Variants in ZMIZ2 observed in about 807,000 individuals in gnomAD.
ZMIZ2 encodes the protein zinc finger MIZ domain-containing protein 2.
ZMIZ2 carries 26 observed loss-of-function variants against 93.9 expected under a neutral mutation model. The observed-to-expected ratio is 0.28, with a 90% CI of 0.20 to 0.38. ZMIZ2 has a LOEUF of 0.38. ZMIZ2 is among the 10% of genes least tolerant of loss of function. ZMIZ2 has a pLI of 1.00. For missense variants in ZMIZ2, 1,023 were observed against 1,235.0 expected, an observed-to-expected ratio of 0.83 and a Z score of 2.57; for synonymous variants, 485 against 516.4, an observed-to-expected ratio of 0.94 and a Z score of 0.82.
At position 44,760,600 on chromosome 7, in the gene ZMIZ2, C is replaced by T; in HGVS notation, c.1240+7C>T. On this transcript the variant is annotated splice_region_variant and intron_variant, in intron 9 of 18. Coordinates refer to ENST00000309315, the MANE Select transcript of ZMIZ2 (RefSeq NM_031449.4). ...TTGCACTCATCGCCCTCTGGTAAGT[C>T]TGTCCACTCTTGGGACAGCGGGGTG... is the stretch of plus-strand genomic sequence containing the variant. 6.2e-7 allele frequency: 1 copy of T among 1,613,660 alleles called. No individual in the cohort carries two copies. Among genetic ancestry groups the T allele is most frequent in the Non-Finnish European group, 8.5e-7 (1 of 1,179,836 alleles).
rs988757106 is a variant in ZMIZ2 at position 44,766,916 on chromosome 7, C to T, written c.2655+253C>T. On this transcript the variant is annotated intron_variant, in intron 18 of 18. Transcript: ENST00000309315. The surrounding 1 kb of genome is among the most constrained non-coding windows in gnomAD (Gnocchi z 4.4). ...ACGCAGAGTCTCAGAGGAGACTGCA[C>T]TGGAAGCTGACAGCACGGTCCTTAG... 1.3e-5 allele frequency among the ~76,000 whole-genome samples: 2 copies of T among 152,130 alleles called. No homozygotes were observed. The highest frequency in any genetic ancestry group is 2.9e-5 in the Non-Finnish European group (2 of 68,028).
chr7:44,767,140 T>C (rs2116919044), intron 18 of ZMIZ2, among the ~76,000 whole-genome samples: 2 of 151,924 alleles, frequency 1.3e-5, no homozygotes, highest in Middle Eastern at 6.8e-3. Context: ...AAGCAGAAAA[T>C]CCTAGGGGCA....
Position 44,768,737 on chromosome 7 carries a change from C to T in ZMIZ2, c.*1114C>T, listed in dbSNP as rs1420968183. On this transcript the variant is annotated 3_prime_UTR_variant, in exon 19 of 19. Transcript: ENST00000309315. ...TTGTGCTCCCAGGGACTATTTTCTC[C>T]TCGTAAGCCAGCGACCTGCCTAAAG... 6.6e-6 allele frequency: 1 copy of T among 152,184 alleles called. No individual in the cohort carries two copies. Among genetic ancestry groups the T allele is most frequent in the Non-Finnish European group, 1.5e-5 (1 of 68,040 alleles). 9.4% of individuals were successfully genotyped at this position (152,184 alleles called of 1,614,324 possible). A position where few individuals can be genotyped will look rare whatever the true frequency, so the allele number is the denominator to read the frequency against.
Position 44,765,061 on chromosome 7 carries a change from C to T in ZMIZ2, c.1997+52C>T, listed in dbSNP as rs1791565184. 4.4e-6 allele frequency: 7 copies of T among 1,605,036 alleles called. No individual in the cohort carries two copies. The highest frequency in any genetic ancestry group is 1.3e-5 in the African/African-American group (1 of 74,904). The stretch of plus-strand genomic sequence containing the variant: ...GCATCTGTGGCCACTGGAGGGCAGC[C>T]CCAGGACATGTCGGGGGATGTCCCT... On this transcript the variant is annotated intron_variant, in intron 15 of 18. Transcript: ENST00000309315. This position sits in a 1 kb window ranked among gnomAD's most constrained non-coding sequence, Gnocchi z 4.1.
chr7:44,767,485 A>G, intron 18 of ZMIZ2, 31 bp from the exon 19 acceptor site: 1 of 1,577,916 alleles, frequency 6.3e-7, no homozygotes, highest in Admixed American at 1.7e-5. Flanking sequence ...TCAGTGACCA[A>G]AGCTGCTAAC....
chr7:44,767,154 A>C (rs778686100), intron 18 of ZMIZ2, among the ~76,000 whole-genome samples: 3 of 152,164 alleles, frequency 2.0e-5, no homozygotes, highest in African/African-American at 4.8e-5. Context: ...AGGGGCATGG[A>C]ATTCCACCAC....
At position 44,765,502 on chromosome 7, in the gene ZMIZ2, C is replaced by G. The variant is rs551024199; in HGVS notation, c.2165C>G (p.Ala722Gly). The change falls in exon 16 of 19, where the codon GCC becomes GGC. Residue 722 changes from alanine (A) to glycine (G), a missense_variant. Around this residue, in one of 3 missense-constraint regions of ZMIZ2, gnomAD observed 319 missense variants for 358.8 expected, o/e 0.89. Transcript: ENST00000309315. This position sits in a 1 kb window ranked among gnomAD's most constrained non-coding sequence, Gnocchi z 4.1. ...CCCAGCGTGATGGAGATGATCGCCG[C>G]CCTGGGCCCCGGCGCTGCCCCCTTT... The part of the protein sequence containing the change: ...LMPSVMEMIA[A>G]LGPGAAPFAP... 6.3e-7 allele frequency: 1 copy of G among 1,598,922 alleles called. No individual in the cohort carries two copies. The highest frequency in any genetic ancestry group is 1.3e-5 in the African/African-American group (1 of 75,024).
chr7:44,753,710 G>T (rs1410590905), intron 1 of ZMIZ2, among the ~76,000 whole-genome samples: 1 of 152,030 alleles, frequency 6.6e-6, no homozygotes, highest in East Asian at 1.9e-4. Flanking sequence ...TTCTTTTATG[G>T]ATCATGCCTT....
At chr7:44,758,552 G>A (rs1790825756) in intron 6 of ZMIZ2, among the ~76,000 whole-genome samples, 1 of 151,664 alleles carries the variant, frequency 6.6e-6, no homozygotes, top group Admixed American at 6.6e-5. Flanking sequence ...GAGGCAGGTG[G>A]ATCACTTGAG....
chr7:44,760,405 G>C lies in ZMIZ2; in HGVS notation c.1072-20G>C, dbSNP rs772018972. ...TCCACCCTGGCAATCTGCCTTGACT[G>C]TTTGTGCTCAACCCTACAGCCTACC... On this transcript the variant is annotated intron_variant, in intron 8 of 18. Coordinates refer to ENST00000309315, the MANE Select transcript of ZMIZ2 (RefSeq NM_031449.4). 1 of 1,612,076 alleles carries C rather than the reference G, an allele frequency of 6.2e-7. No individual in the cohort carries two copies. The highest frequency in any genetic ancestry group is 8.5e-7 in the Non-Finnish European group (1 of 1,178,820).
chr7:44,753,200 T>C (rs1319650818), intron 1 of ZMIZ2, among the ~76,000 whole-genome samples: 2 of 120,276 alleles, frequency 1.7e-5, no homozygotes, highest in Non-Finnish European at 3.5e-5. Context: ...TAATTGGAGT[T>C]TTTAATTTTA....
At position 44,756,524 on chromosome 7, in the gene ZMIZ2, C is replaced by T. The variant is rs375678046; in HGVS notation, c.150C>T (p.Asn50=). ...TCACTACTGTGTGGGGAGTTGGCAACGCGACACAGAGCCAGGTAAGCACCC... is the reference window on the plus strand; with the variant it reads ...TCACTACTGTGTGGGGAGTTGGCAATGCGACACAGAGCCAGGTAAGCACCC... ...SVVTTVWGVG[N]ATQSQVLGNP... Residue 50 remains asparagine, a synonymous_variant, in exon 3 of 19, where the codon AAC becomes AAT. Transcript: ENST00000309315. 85 of 1,613,872 alleles carry T rather than the reference C, an allele frequency of 5.3e-5. No homozygotes were observed. The highest frequency in any genetic ancestry group is 1.2e-4 in the African/African-American group (9 of 74,926).
At chr7:44,764,337 C>G in intron 13 of ZMIZ2, 82 bp from the exon 14 acceptor site, 1 of 1,330,800 alleles carries the variant, frequency 7.5e-7, no homozygotes, top group Non-Finnish European at 1.1e-6. Context: ...GTCACACATT[C>G]CTGAAAAGGG....
chr7:44,762,793 T>C (rs1583648069), intron 11 of ZMIZ2, 88 bp from the exon 12 acceptor site: 5 of 583,142 alleles, frequency 8.6e-6, no homozygotes, highest in South Asian at 4.9e-5. Flanking sequence ...TGGCAGCCCC[T>C]GACACACAAC....
rs1475744347 is a variant in ZMIZ2 at position 44,749,649 on chromosome 7, C to T, written c.-63+658C>T. On this transcript the variant is annotated intron_variant, in intron 1 of 18. Transcript: ENST00000309315. The stretch of plus-strand genomic sequence containing the variant: ...CCCTAGTGCCAGGTGTCCTTCACCG[C>T]GGCACCCCCACCCGGTGCCTTGTTT... Among the ~76,000 whole-genome samples, 7 of 152,188 alleles carry T rather than the reference C, an allele frequency of 4.6e-5. No individual in the cohort carries two copies. The South Asian group carries it at 1.4e-3, about 31-fold the overall frequency.
At chr7:44,757,733 G>C in intron 5 of ZMIZ2, 115 bp from the exon 6 acceptor site, 1 of 1,460,886 alleles carries the variant, frequency 6.8e-7, no homozygotes, top group East Asian at 2.4e-5. Flanking sequence ...GAGGTTTCTG[G>C]GGTGTCCTGT....
chr7:44,766,731 G>A lies in ZMIZ2; in HGVS notation c.2655+68G>A, dbSNP rs1471483678. On this transcript the variant is annotated intron_variant, in intron 18 of 18. Transcript: ENST00000309315. The surrounding 1 kb of genome is among the most constrained non-coding windows in gnomAD (Gnocchi z 4.4). ...GCTAGAGGTGGTGTGTCTGTTCCAG[G>A]TGCGTTCTGGAAGGGAAGACAGTGA... The A allele has an allele frequency of 6.3e-7, 1 of 1,585,806 alleles. No individual in the cohort carries two copies. Among genetic ancestry groups the A allele is most frequent in the African/African-American group, 1.3e-5 (1 of 74,134 alleles).
chr7:44,757,046 C>T lies in ZMIZ2; in HGVS notation c.265C>T (p.Leu89=). Residue 89 remains leucine, a synonymous_variant, in exon 4 of 19, where the codon CTG becomes TTG. Transcript: ENST00000309315. Reference sequence around the variant, plus strand: ...CTCCGCCTTGACCTCCCCACAGTGCCTGGGACAGCAGGCGTTTGCTGAAGG... The same window carrying T: ...CTCCGCCTTGACCTCCCCACAGTGCTTGGGACAGCAGGCGTTTGCTGAAGG... The part of the protein sequence containing the change: ...GSSALTSPQC[L]GQQAFAEGGA... The T allele has an allele frequency of 6.2e-7, 1 of 1,610,944 alleles. No individual in the cohort carries two copies. Among genetic ancestry groups the T allele is most frequent in the East Asian group, 2.2e-5 (1 of 44,846 alleles).
At chr7:44,762,798 C>A in intron 11 of ZMIZ2, 83 bp from the exon 12 acceptor site, 2 of 1,073,844 alleles carry the variant, frequency 1.9e-6, no homozygotes, top group South Asian at 2.6e-5. Flanking sequence ...GCCCCTGACA[C>A]ACAACCCCCA....
Sources: gnomAD v4.1 joint callset for allele counts (sites outside exome capture counted in the v4.1 genomes callset) on GRCh38, gnomAD v4.1.1 for gene constraint, gnomAD v4.1.1 regional missense constraint, Gnocchi (gnomAD v3.1) non-coding constraint, MANE v1.5 for transcripts, NCBI Gene and HGNC (gene_info 2026-07-23, HGNC 2026-07-21) for gene names.